Variants in SORCS2 observed in about 807,000 individuals in gnomAD.
SORCS2 encodes VPS10 domain-containing receptor SorCS2.
Under a neutral mutation model 141.6 loss-of-function variants are expected in SORCS2, and 100 were observed. The ratio of observed to expected loss-of-function variants is 0.71; its 90% CI spans 0.60 to 0.83. The LOEUF (loss-of-function observed/expected upper bound fraction) is 0.83. Ranked by LOEUF, SORCS2 falls within the 40% of genes least tolerant of loss-of-function variation. The pLI, the probability that SORCS2 is intolerant of heterozygous loss-of-function variation, is 0.00. For synonymous variants in SORCS2, 789 were observed against 676.9 expected, an observed-to-expected ratio of 1.17 and a Z score of -2.57; for missense variants, 1,646 against 1,560.2, an observed-to-expected ratio of 1.05 and a Z score of -0.93.
At chr4:7,661,451 G>C in intron 5 of SORCS2, 49 bp from the exon 6 acceptor site, 2 of 1,542,444 alleles carry the variant, frequency 1.3e-6, no homozygotes, top group Non-Finnish European at 1.8e-6. Context: ...GCTGGGGGAC[G>C]GGCATGGTGA....
At chr4:7,656,689 C>T (rs1255295825) in intron 5 of SORCS2, among the ~76,000 whole-genome samples, 1 of 152,240 alleles carries the variant, frequency 6.6e-6, no homozygotes, top group African/African-American at 2.4e-5. Flanking sequence ...TGCCTCCTTG[C>T]TCAGCCCCAC....
intron 24 of SORCS2, among the ~76,000 whole-genome samples, 177 bp downstream of exon 24, chr4:7,733,598 C>T (rs924530715): frequency 2.6e-5 from 4 of 152,164 alleles, no homozygotes; most frequent in Admixed American, 6.5e-5. Flanking sequence ...TCTCCCTCTG[C>T]GGATGCCCCA....
At chr4:7,679,540 G>GC (rs1394157756) in intron 9 of SORCS2, among the ~76,000 whole-genome samples, 5 of 152,232 alleles carry the variant, frequency 3.3e-5, no homozygotes, top group Non-Finnish European at 7.3e-5. Context: ...CAGGAGAGGA[G>GC]CCACAGGCAC....
chr4:7,683,032 A>G (rs1490607302), intron 10 of SORCS2, 143 bp downstream of exon 10: 6 of 1,102,720 alleles, frequency 5.4e-6, no homozygotes, highest in East Asian at 5.3e-5. Flanking sequence ...GGTGTGGTAG[A>G]GAGGGTCAAA....
At chr4:7,701,652 C>A (rs1725094855) in intron 12 of SORCS2, among the ~76,000 whole-genome samples, 1 of 152,140 alleles carries the variant, frequency 6.6e-6, no homozygotes, top group East Asian at 1.9e-4. Context: ...GACACCAGGG[C>A]CAAGGGTGTG....
At chr4:7,234,438 G>A (rs899803616) in intron 1 of SORCS2, among the ~76,000 whole-genome samples, 1 of 152,244 alleles carries the variant, frequency 6.6e-6, no homozygotes, top group African/African-American at 2.4e-5. Flanking sequence ...TGCTGTGCAA[G>A]GGTTGTTGGC....
At chr4:7,558,650 C>T (rs80040324) in intron 3 of SORCS2, among the ~76,000 whole-genome samples, 3,762 of 152,300 alleles carry the variant, frequency 0.025, 138 homozygotes, top group African/African-American at 0.081. Context: ...AGCCTATGAC[C>T]GGCACAGGGA....
chr4:7,447,340 G>C (rs1370790633), intron 2 of SORCS2, among the ~76,000 whole-genome samples: 2 of 152,170 alleles, frequency 1.3e-5, no homozygotes, highest in African/African-American at 4.8e-5. Context: ...TGTGTAAAGA[G>C]AGGATCCTAC....
chr4:7,439,205 C>G (rs1222557309), intron 2 of SORCS2, among the ~76,000 whole-genome samples: 1 of 152,012 alleles, frequency 6.6e-6, no homozygotes, highest in Non-Finnish European at 1.5e-5. Context: ...TATACAAACA[C>G]ACACGTGTGT....
In SORCS2 at chr4:7,255,845, G is replaced by A. The variant is rs150939504; in HGVS notation, c.480+62719G>A. ...GAGCGTGGGGACCCGGGGTTGGTGC[G>A]TGGGGACCCGGGGCTGGAGCGTGGG... On this transcript the variant is annotated intron_variant, in intron 1 of 26. Coordinates refer to ENST00000507866, the MANE Select transcript of SORCS2 (RefSeq NM_020777.3). Among the ~76,000 whole-genome samples, 570 of 146,098 alleles carry A rather than the reference G, an allele frequency of 3.9e-3. 2 individuals are homozygous for A. Among genetic ancestry groups the A allele is most frequent in the Non-Finnish European group, 6.0e-3 (396 of 66,204 alleles).
At chr4:7,734,521 G>C (rs1332098582) in intron 25 of SORCS2, 147 bp downstream of exon 25, 3 of 614,196 alleles carry the variant, frequency 4.9e-6, no homozygotes, top group African/African-American at 1.9e-5. Context: ...TGGGCTGCAG[G>C]GGGAGGTGCT....
chr4:7,355,801 C>T (rs1042805644), intron 1 of SORCS2, among the ~76,000 whole-genome samples: 26 of 152,236 alleles, frequency 1.7e-4, no homozygotes, highest in African/African-American at 6.3e-4. Context: ...CTGTGGAACG[C>T]ACAGGATTTC....
rs12499601 is a variant in SORCS2, at chr4:7,697,976, A to T, written c.1668+702A>T. Among the ~76,000 whole-genome samples the T allele has an allele frequency of 5.9e-5, 9 of 152,200 alleles. No homozygotes were observed. In the East Asian group the frequency reaches 9.7e-4, roughly 16 times the overall value. On this transcript the variant is annotated intron_variant, in intron 12 of 26. Coordinates refer to ENST00000507866, the MANE Select transcript of SORCS2 (RefSeq NM_020777.3). ...AGCTCAGATTCGCAGACCAGAGGCA[A>T]TGGTGCTGATGGCCCTCAGGGTGTG...
intron 14 of SORCS2, among the ~76,000 whole-genome samples, chr4:7,706,588 G>C (rs1725478055): frequency 6.9e-6 from 1 of 145,296 alleles, no homozygotes; most frequent in East Asian, 2.1e-4. Context: ...GCTCTGTCTG[G>C]GCAGGGATGA....
rs1205317896 is a variant in SORCS2, at chr4:7,737,946, G to C, written c.3415+774G>C. Among the ~76,000 whole-genome samples, 9 of 152,202 alleles carry C rather than the reference G, an allele frequency of 5.9e-5. No homozygotes were observed. In the East Asian group the frequency reaches 1.7e-3, roughly 29 times the overall value. On this transcript the variant is annotated intron_variant, in intron 26 of 26. Transcript: ENST00000507866. ...CCATCGACCGGGACACCTGCACATG[G>C]TCTCGCTGTGTGGCTTGGGCTTCCT... is the stretch of plus-strand genomic sequence containing the variant.
intron 5 of SORCS2, among the ~76,000 whole-genome samples, chr4:7,654,578 G>A (rs1372317083): frequency 2.0e-5 from 3 of 152,108 alleles, no homozygotes; most frequent in Admixed American, 6.5e-5. Flanking sequence ...TGTCCCCAGC[G>A]CAGCACCCGG....
At chr4:7,272,013 GGTGT>G (rs1034852022) in intron 1 of SORCS2, among the ~76,000 whole-genome samples, 2 of 152,092 alleles carry the variant, frequency 1.3e-5, no homozygotes, top group African/African-American at 4.8e-5. Flanking sequence ...ATATGGGAAG[GGTGT>G]GTGTGCACAC....
chr4:7,391,906 C>T (rs144592763), intron 1 of SORCS2, among the ~76,000 whole-genome samples: 23 of 152,292 alleles, frequency 1.5e-4, no homozygotes, highest in African/African-American at 5.5e-4. Flanking sequence ...GCCCTGCAGA[C>T]ACACAGTCCC....
intron 2 of SORCS2, chr4:7,434,292 C>G: frequency 6.2e-7 from 1 of 1,612,608 alleles, no homozygotes; most frequent in Non-Finnish European, 8.5e-7. Flanking sequence ...ACCGGACAGC[C>G]TCCTGGAGTC....
Sources: allele counts gnomAD v4.1 joint callset (sites outside exome capture counted in the v4.1 genomes callset), GRCh38; gene constraint gnomAD v4.1.1; transcripts MANE v1.5; gene names NCBI Gene and HGNC (gene_info 2026-07-23, HGNC 2026-07-21).